ERC1: variants seen among roughly 807,000 people sequenced by gnomAD.
ERC1 encodes the protein ELKS/RAB6-interacting/CAST family member 1.
ERC1 carries 56 observed loss-of-function variants against 132.0 expected under a neutral mutation model. That is an observed-to-expected ratio of 0.42 (90% confidence interval 0.34 to 0.53). The LOEUF is 0.53. Among genes scored for constraint, ERC1 ranks in the 20% least tolerant of loss-of-function variants. The pLI is 0.03. For synonymous variants in ERC1, 478 were observed against 476.1 expected (o/e 1.00, Z -0.05); for missense variants, 1,202 against 1,349.9 (o/e 0.89, Z 1.72).
At chr12:1,300,970 T>G (rs2080348977) in intron 15 of ERC1, among the ~76,000 whole-genome samples, 1 of 152,138 alleles carries the variant, frequency 6.6e-6, no homozygotes, top group Non-Finnish European at 1.5e-5. Flanking sequence ...GGAATATCAA[T>G]TGTTCTATCA....
At chr12:1,055,869 C>T (rs750162213) in intron 2 of ERC1, among the ~76,000 whole-genome samples, 13 of 151,988 alleles carry the variant, frequency 8.6e-5, no homozygotes, top group Non-Finnish European at 1.3e-4. Flanking sequence ...GCTGGCTGGG[C>T]GTGGGTGGCT....
chr12:1,003,119 C>CAAAA (rs34159893), intron 1 of ERC1, among the ~76,000 whole-genome samples: 1 of 84,802 alleles, frequency 1.2e-5, no homozygotes. Context: ...AAAAAAGACT[C>CAAAA]AAAAAAAAAA....
chr12:1,026,922 A>T (rs146159612), intron 1 of ERC1, among the ~76,000 whole-genome samples: 2 of 152,188 alleles, frequency 1.3e-5, no homozygotes, highest in Non-Finnish European at 2.9e-5. Flanking sequence ...AAAGGAAGGG[A>T]TCTATAGCTG....
At chr12:1,164,179 G>A (rs1048042090) in intron 8 of ERC1, among the ~76,000 whole-genome samples, 4 of 152,032 alleles carry the variant, frequency 2.6e-5, no homozygotes, top group African/African-American at 9.7e-5. Flanking sequence ...CTTGGAAGTG[G>A]CAGGTCACTT....
intron 12 of ERC1, among the ~76,000 whole-genome samples, chr12:1,192,647 G>C (rs927725669): frequency 6.6e-6 from 1 of 152,132 alleles, no homozygotes; most frequent in Non-Finnish European, 1.5e-5. Flanking sequence ...CTTCATGCCA[G>C]GTTTCTGTCC....
intron 14 of ERC1, among the ~76,000 whole-genome samples, chr12:1,274,724 C>T: frequency 6.6e-6 from 1 of 152,158 alleles, no homozygotes; most frequent in Admixed American, 6.5e-5. Context: ...AACTTCTGAA[C>T]TTGTGATCCG....
chr12:1,291,461 A>T (rs1411297375), intron 15 of ERC1, among the ~76,000 whole-genome samples: 1 of 152,246 alleles, frequency 6.6e-6, no homozygotes, highest in Non-Finnish European at 1.5e-5. Flanking sequence ...GGTTTAAATT[A>T]TTCAATTATT....
chr12:1,179,533 A>T (rs1185941613), intron 8 of ERC1, among the ~76,000 whole-genome samples: 2 of 107,922 alleles, frequency 1.9e-5, no homozygotes, highest in Non-Finnish European at 3.5e-5. Context: ...TTTGAGACGG[A>T]GTCTCGCTCT....
At chr12:990,668 G>A (rs1212803869), upstream of ERC1, 1 of 152,246 alleles carries the variant, frequency 6.6e-6, no homozygotes, top group Non-Finnish European at 1.5e-5. Context: ...GTTCCACGAA[G>A]CTAAGGGGCA....
intron 3 of ERC1, among the ~76,000 whole-genome samples, chr12:1,093,280 T>G (rs1426759340): frequency 6.9e-6 from 1 of 144,352 alleles, no homozygotes; most frequent in Non-Finnish European, 1.6e-5. Flanking sequence ...ACATTGTTGT[T>G]TGACCGCTTA....
At chr12:1,261,009 C>T (rs1308382999) in intron 13 of ERC1, among the ~76,000 whole-genome samples, 4 of 152,132 alleles carry the variant, frequency 2.6e-5, no homozygotes, top group East Asian at 3.8e-4. Flanking sequence ...TCACTGCCGG[C>T]TTCAGGTAAA....
At position 1,112,304 on chromosome 12, in the gene ERC1, T is replaced by A. The variant is rs1430938943; in HGVS notation, c.1401+6T>A. The A allele has an allele frequency of 2.5e-6, 4 of 1,608,550 alleles. No individual in the cohort carries two copies. The Admixed American group carries it at 5.0e-5, about 20-fold the overall frequency. ...CGGCTGGTCTTCAGGCTGAGGTCTTTGCCGTAAGATTTACCTCTTTGTGTG... is the reference window on the plus strand; with the variant it reads ...CGGCTGGTCTTCAGGCTGAGGTCTTAGCCGTAAGATTTACCTCTTTGTGTG... On this transcript the variant is annotated splice_donor_region_variant and intron_variant, in intron 6 of 18. Coordinates refer to ENST00000360905, the MANE Select transcript of ERC1 (RefSeq NM_178040.4).
intron 11 of ERC1, among the ~76,000 whole-genome samples, chr12:1,184,620 T>C (rs1342981108): frequency 6.6e-6 from 1 of 152,256 alleles, no homozygotes; most frequent in African/African-American, 2.4e-5. Context: ...ATTTTTGACC[T>C]ATTTATAGCT....
chr12:1,324,071 A>T (rs895064020), intron 15 of ERC1, among the ~76,000 whole-genome samples: 1 of 152,234 alleles, frequency 6.6e-6, no homozygotes, highest in Admixed American at 6.5e-5. Context: ...GTATTTGAAC[A>T]GTGCCCCTTT....
intron 17 of ERC1, among the ~76,000 whole-genome samples, chr12:1,424,864 C>CGATCGATA (rs758310289): frequency 3.8e-4 from 38 of 101,044 alleles, no homozygotes; most frequent in Non-Finnish European, 5.2e-4. Context: ...ATAGATAGAT[C>CGATCGATA]GATAGATAGA....
intron 12 of ERC1, among the ~76,000 whole-genome samples, chr12:1,226,945 G>A (rs1024310326): frequency 6.6e-6 from 1 of 152,192 alleles, no homozygotes; most frequent in Non-Finnish European, 1.5e-5. Context: ...CCAAAGTGTT[G>A]GGATTACAGG....
chr12:1,125,286 G>A (rs545549680), intron 7 of ERC1, among the ~76,000 whole-genome samples: 4 of 151,826 alleles, frequency 2.6e-5, no homozygotes, highest in East Asian at 3.9e-4. Context: ...GAGCCACCGC[G>A]CCCAGCCCAA....
At chr12:1,241,594 G>GTGTT (rs2075794233) in intron 13 of ERC1, among the ~76,000 whole-genome samples, 1 of 152,012 alleles carries the variant, frequency 6.6e-6, no homozygotes, top group Non-Finnish European at 1.5e-5. Flanking sequence ...CTGTGTGTAT[G>GTGTT]TGTTTGTTTC....
chr12:1,015,215 T>G (rs1393289948), intron 1 of ERC1, among the ~76,000 whole-genome samples: 1 of 151,818 alleles, frequency 6.6e-6, no homozygotes, highest in Non-Finnish European at 1.5e-5. Context: ...ACACACCACC[T>G]TGCCCAGGTA....
Sources: gnomAD v4.1 joint callset for allele counts (sites outside exome capture counted in the v4.1 genomes callset) on GRCh38, gnomAD v4.1.1 for gene constraint, MANE v1.5 for transcripts, NCBI Gene and HGNC (gene_info 2026-07-23, HGNC 2026-07-21) for gene names.